Variants in SYNPO2 observed in about 807,000 individuals in gnomAD.
SYNPO2 encodes the protein synaptopodin 2, also known as synaptopodin-2.
SYNPO2 carries 56 observed loss-of-function variants against 85.0 expected under a neutral mutation model. The ratio of observed to expected loss-of-function variants is 0.66; its 90% CI spans 0.53 to 0.82. The LOEUF (loss-of-function observed/expected upper bound fraction) is 0.82. Among genes scored for constraint, SYNPO2 ranks in the 40% least tolerant of loss-of-function variants. The pLI, the probability that SYNPO2 is intolerant of heterozygous loss-of-function variation, is 0.00. For missense variants in SYNPO2, 1,575 were observed against 1,534.2 expected, an observed-to-expected ratio of 1.03 and a Z score of -0.44; for synonymous variants, 602 against 591.1, an observed-to-expected ratio of 1.02 and a Z score of -0.27.
At chr4:119,034,676 A>G (rs1278607778) in intron 4 of SYNPO2, 14 of 985,386 alleles carry the variant, frequency 1.4e-5, no homozygotes, top group Non-Finnish European at 1.4e-5. Context: ...GTCTGACCTC[A>G]CTCTGAGGGA....
intron 1 of SYNPO2, among the ~76,000 whole-genome samples, chr4:118,997,208 C>A (rs1736638127): frequency 1.5e-5 from 2 of 132,932 alleles, no homozygotes; most frequent in Admixed American, 1.8e-4. Context: ...CCACTGCACT[C>A]CAGCCTGGGC....
At chr4:118,902,785 A>T (rs1239300050) in intron 1 of SYNPO2, among the ~76,000 whole-genome samples, 1 of 152,164 alleles carries the variant, frequency 6.6e-6, no homozygotes, top group Non-Finnish European at 1.5e-5. Flanking sequence ...TAATACCTAG[A>T]TCCTGTTTAG....
At position 119,031,054 on chromosome 4, in the gene SYNPO2, C is replaced by T. The variant is rs1162018336; in HGVS notation, c.2279C>T (p.Ala760Val). The T allele has an allele frequency of 1.2e-6, 2 of 1,614,120 alleles. No homozygotes were observed. The highest frequency in any genetic ancestry group is 1.7e-6 in the Non-Finnish European group (2 of 1,180,004). Reference protein sequence around the residue: ...SAKQKTPPPVAPKPAVKSSSS... With the variant: ...SAKQKTPPPVVPKPAVKSSSS... ...AAACAAAAGACCCCTCCTCCTGTTG[C>T]TCCAAAACCTGCAGTCAAGTCCTCA... is the stretch of plus-strand genomic sequence containing the variant. Residue 760 changes from alanine to valine, a missense_variant, in exon 4 of 5, where the codon GCT (alanine) becomes GTT (valine). Transcript: ENST00000307142.
chr4:118,895,031 A>G (rs1254446389), intron 1 of SYNPO2, among the ~76,000 whole-genome samples: 1 of 152,200 alleles, frequency 6.6e-6, no homozygotes, highest in African/African-American at 2.4e-5. Context: ...TGTGATGTAA[A>G]TGATTTTTTT....
At chr4:118,895,532 C>A (rs1474802158) in intron 1 of SYNPO2, among the ~76,000 whole-genome samples, 2 of 152,142 alleles carry the variant, frequency 1.3e-5, no homozygotes, top group Non-Finnish European at 2.9e-5. Flanking sequence ...AGTGCACAGT[C>A]CCCTAACACA....
chr4:118,896,414 A>C (rs1183854808), intron 1 of SYNPO2, among the ~76,000 whole-genome samples: 1 of 152,228 alleles, frequency 6.6e-6, no homozygotes, highest in Non-Finnish European at 1.5e-5. Flanking sequence ...ATTCGTGATG[A>C]AACTGAATGC....
intron 1 of SYNPO2, among the ~76,000 whole-genome samples, chr4:119,000,030 G>A (rs116279892): frequency 6.6e-6 from 1 of 152,094 alleles, no homozygotes; most frequent in African/African-American, 2.4e-5. Flanking sequence ...TGGGAAAAAA[G>A]CAACTCTCCT....
At chr4:118,863,879 T>C (rs976561802) in intron 1 of SYNPO2, among the ~76,000 whole-genome samples, 3 of 152,270 alleles carry the variant, frequency 2.0e-5, no homozygotes, top group Non-Finnish European at 4.4e-5. Flanking sequence ...AATGCTGGGA[T>C]TACAGGCATG....
intron 1 of SYNPO2, among the ~76,000 whole-genome samples, chr4:118,937,001 T>C (rs1734132253): frequency 6.6e-6 from 1 of 152,126 alleles, no homozygotes; most frequent in Non-Finnish European, 1.5e-5. Context: ...CCACCAGTAG[T>C]CTAATCATCA....
chr4:118,996,817 A>G (rs1736615455), intron 1 of SYNPO2, among the ~76,000 whole-genome samples: 1 of 150,552 alleles, frequency 6.6e-6, no homozygotes, highest in African/African-American at 2.5e-5. Flanking sequence ...AGATCGCGCC[A>G]CTGCACTCCA....
intron 2 of SYNPO2, among the ~76,000 whole-genome samples, chr4:119,025,534 T>C (rs567233604): frequency 2.0e-5 from 3 of 152,320 alleles, no homozygotes; most frequent in East Asian, 3.9e-4. Flanking sequence ...TAGGAGTAAG[T>C]ATTTTGAGCA....
intron 4 of SYNPO2, chr4:119,037,990 ATT>A (rs777018972): frequency 3.6e-4 from 94 of 259,868 alleles, no homozygotes; most frequent in Non-Finnish European, 4.7e-4. Context: ...AAAAGAAGGT[ATT>A]ATTCCCATTT....
chr4:118,880,448 C>G (rs1732061843), intron 1 of SYNPO2, among the ~76,000 whole-genome samples: 1 of 152,160 alleles, frequency 6.6e-6, no homozygotes, highest in African/African-American at 2.4e-5. Context: ...TGATTTTGTT[C>G]ATTTCAAATC....
chr4:119,014,976 C>G (rs1737473039), intron 1 of SYNPO2, among the ~76,000 whole-genome samples: 1 of 152,162 alleles, frequency 6.6e-6, no homozygotes, highest in South Asian at 2.1e-4. Flanking sequence ...TCAGTGCAGT[C>G]AACTTAACTT....
intron 1 of SYNPO2, among the ~76,000 whole-genome samples, chr4:118,857,346 G>A (rs187586454): frequency 1.3e-4 from 20 of 152,212 alleles, no homozygotes; most frequent in Admixed American, 3.9e-4. Context: ...ACCATTCCCC[G>A]AGAAACTTCG....
chr4:119,042,831 T>C (rs1048479532), intron 4 of SYNPO2: 1 of 152,236 alleles, frequency 6.6e-6, no homozygotes, highest in African/African-American at 2.4e-5. Context: ...TTCAAAACTT[T>C]GAGGCACTAA....
chr4:118,886,907 G>A (rs1379694491), upstream of SYNPO2, among the ~76,000 whole-genome samples: 1 of 152,072 alleles, frequency 6.6e-6, no homozygotes, highest in Admixed American at 6.6e-5. Context: ...TGATGCCTTT[G>A]GCTTCTGGGG....
At chr4:119,019,016 A>G (rs1334885955) in intron 1 of SYNPO2, among the ~76,000 whole-genome samples, 1 of 152,166 alleles carries the variant, frequency 6.6e-6, no homozygotes, top group Non-Finnish European at 1.5e-5. Context: ...AATGATAAGA[A>G]CTATGAACAC....
chr4:119,048,801 G>T (rs1738951098), intron 4 of SYNPO2, among the ~76,000 whole-genome samples: 2 of 152,322 alleles, frequency 1.3e-5, no homozygotes, highest in South Asian at 4.1e-4. Flanking sequence ...GATGAAGTCA[G>T]ATAATGCAAG....
Sources: allele counts gnomAD v4.1 joint callset (sites outside exome capture counted in the v4.1 genomes callset), GRCh38; gene constraint gnomAD v4.1.1; transcripts MANE v1.5; gene names NCBI Gene and HGNC (gene_info 2026-07-23, HGNC 2026-07-21).